PPP1R14B: variants seen among roughly 807,000 people sequenced by gnomAD.
PPP1R14B encodes protein phosphatase 1 regulatory inhibitor subunit 14B.
Under a neutral mutation model 14.7 loss-of-function variants are expected in PPP1R14B, and 4 were observed. The observed-to-expected ratio is 0.27, with a 90% confidence interval of 0.13 to 0.62. The LOEUF (loss-of-function observed/expected upper bound fraction) is 0.62, where lower values mean the gene tolerates loss of function less well. Ranked by LOEUF, PPP1R14B falls within the 20% of genes least tolerant of loss-of-function variation. The pLI is 0.85. For synonymous variants in PPP1R14B, 76 were observed against 87.3 expected (o/e 0.87, Z 0.72); for missense variants, 138 against 201.5 (o/e 0.68, Z 1.91).
Position 64,246,856 on chromosome 11 carries a change from G to A in PPP1R14B, c.-183C>T. 2 of 298,526 alleles carry A rather than the reference G, an allele frequency of 6.7e-6. No individual in the cohort carries two copies. The highest frequency in any genetic ancestry group is 9.7e-6 in the Non-Finnish European group (2 of 205,438). 18.5% of individuals were successfully genotyped at this position (298,526 alleles called of 1,614,324 possible). ...GAGCCCCCGGGCTTGGCCTGGCCGC[G>A]CCCCGCCCCCTCCCCGCCGATCCGC... On this transcript the variant is annotated 5_prime_UTR_variant, in exon 1 of 4. Coordinates refer to ENST00000309318, the MANE Select transcript of PPP1R14B (RefSeq NM_138689.3).
intron 3 of PPP1R14B, 32 bp from the exon 4 acceptor site, chr11:64,244,854 G>T (rs2030805042): frequency 6.2e-7 from 1 of 1,613,734 alleles, no homozygotes; most frequent in East Asian, 2.2e-5. Flanking sequence ...ACATTAAGGA[G>T]ACCAGACCCC....
chr11:64,244,793 G>T lies in PPP1R14B; in HGVS notation c.405C>A (p.Ile135=), dbSNP rs1328214489. 1 of 1,614,100 alleles carries T rather than the reference G, an allele frequency of 6.2e-7. No individual in the cohort carries two copies. The highest frequency in any genetic ancestry group is 8.5e-7 in the Non-Finnish European group (1 of 1,180,012). ...EAFISGLLDK[I]RGMQKLSTPQ... The stretch of plus-strand genomic sequence containing the variant: ...GTGTGCTCAGCTTCTGCATGCCCCG[G>T]ATCTTGTCCAGCAGGCCAGAAATGA... The change falls in exon 4 of 4, where the codon ATC becomes ATA. Residue 135 remains isoleucine (I), a synonymous_variant. Coordinates refer to ENST00000309318, the MANE Select transcript of PPP1R14B (RefSeq NM_138689.3).
At chr11:64,244,907 C>G (rs1305499911) in intron 3 of PPP1R14B, 23 bp downstream of exon 3, 1 of 1,611,778 alleles carries the variant, frequency 6.2e-7, no homozygotes, top group African/African-American at 1.3e-5. Flanking sequence ...CCACCCCCGC[C>G]AGCCCCCCAG....
At chr11:64,245,154 C>T (rs750747224) in intron 2 of PPP1R14B, 50 bp downstream of exon 2, 1 of 1,590,264 alleles carries the variant, frequency 6.3e-7, no homozygotes, top group Non-Finnish European at 8.6e-7. Context: ...CACAGCCTCA[C>T]TTTCCCGGGG....
rs2030792295 is a variant in PPP1R14B at position 64,244,590 on chromosome 11, G to A, written c.*164C>T. 1.4e-5 allele frequency: 19 copies of A among 1,407,022 alleles called. No individual in the cohort carries two copies. The highest frequency in any genetic ancestry group is 1.6e-5 in the Non-Finnish European group (17 of 1,052,112). 87.2% of individuals were successfully genotyped at this position (1,407,022 alleles called of 1,614,324 possible). On this transcript the variant is annotated 3_prime_UTR_variant, in exon 4 of 4. Coordinates refer to ENST00000309318, the MANE Select transcript of PPP1R14B (RefSeq NM_138689.3). ...AATAACAATAAAAAACCCCAAAAGT[G>A]GAAAACTGAGGGGGCAGGGGAAGAG...
chr11:64,244,807 G>A lies in PPP1R14B; in HGVS notation c.391C>T (p.Leu131=), dbSNP rs765479203. 1.9e-6 allele frequency: 3 copies of A among 1,614,138 alleles called. No individual in the cohort carries two copies. In the East Asian group the frequency reaches 6.7e-5, roughly 36 times the overall value. Residue 131 remains leucine, a synonymous_variant, in exon 4 of 4, where the codon CTG becomes TTG. Transcript: ENST00000309318. The part of the protein sequence containing the change: ...YKPTEAFISG[L]LDKIRGMQKL... ...TGCATGCCCCGGATCTTGTCCAGCA[G>A]GCCAGAAATGAAGGCCTGGATGGGG...
chr11:64,245,115 G>T, intron 2 of PPP1R14B, 89 bp downstream of exon 2: 1 of 1,501,988 alleles, frequency 6.7e-7, no homozygotes, highest in Non-Finnish European at 9.1e-7. Context: ...TTCTGTTGAG[G>T]CAGGAGCTGG....
At chr11:64,245,450 T>C in intron 1 of PPP1R14B, 163 bp from the exon 2 acceptor site, 1 of 414,368 alleles carries the variant, frequency 2.4e-6, no homozygotes, top group South Asian at 3.1e-5. Flanking sequence ...ATCAGGCCCG[T>C]GCCAAGGCAA....
intron 3 of PPP1R14B, 36 bp from the exon 4 acceptor site, chr11:64,244,858 A>G: frequency 1.2e-6 from 2 of 1,613,566 alleles, no homozygotes; most frequent in Non-Finnish European, 1.7e-6. Context: ...TAAGGAGACC[A>G]GACCCCAAGA....
At chr11:64,246,154 C>T (rs568646861) in intron 1 of PPP1R14B, 132 of 501,206 alleles carry the variant, frequency 2.6e-4, no homozygotes, top group Admixed American at 7.1e-4. Context: ...GCTCAGGCTA[C>T]CCCTTGAGGC....
chr11:64,246,230 G>A, intron 1 of PPP1R14B, 186 bp downstream of exon 1: 2 of 763,998 alleles, frequency 2.6e-6, no homozygotes, highest in Non-Finnish European at 2.0e-6. Flanking sequence ...AGGCAACGGA[G>A]AAGGCAGAAG....
chr11:64,246,521 C>A lies in PPP1R14B; in HGVS notation c.153G>T (p.Arg51Ser). Reference sequence around the variant, plus strand: ...ACTTGACGGTGACCTTCCCTTGGCGCCTCACTGGGCCCTCATCGTCCGCCC... The same window carrying A: ...ACTTGACGGTGACCTTCCCTTGGCGACTCACTGGGCCCTCATCGTCCGCCC... ...PGGADDEGPV[R>S]RQGKVTVKYD... The change falls in exon 1 of 4, where the codon AGG becomes AGT. Residue 51 changes from arginine to serine, a missense_variant. Physicochemically the swap from Arg to Ser is moderately radical, Grantham distance 110 (BLOSUM62 -1). Transcript: ENST00000309318. 6.2e-7 allele frequency: 1 copy of A among 1,609,962 alleles called. No individual in the cohort carries two copies.
intron 2 of PPP1R14B, 118 bp downstream of exon 2, chr11:64,245,086 C>G (rs2030821647): frequency 2.7e-6 from 4 of 1,459,146 alleles, no homozygotes; most frequent in Non-Finnish European, 2.8e-6. Flanking sequence ...AACAACCTCA[C>G]AGCTAGGCAT....
At chr11:64,246,079 G>A (rs1488934185) in intron 1 of PPP1R14B, 2 of 305,992 alleles carry the variant, frequency 6.5e-6, no homozygotes, top group African/African-American at 4.3e-5. Context: ...TAACCCAGCG[G>A]GCACCAGGCG....
Position 64,244,947 on chromosome 11 carries a change from A to G in PPP1R14B, c.358T>C (p.Cys120Arg). Residue 120 changes from cysteine (C) to arginine (R), a missense_variant, in exon 3 of 4, where the codon TGT becomes CGT. Around this residue, in one of 3 missense-constraint regions of PPP1R14B, gnomAD observed 84 missense variants for 137.5 expected, o/e 0.61. Transcript: ENST00000309318. ...TCTCTTACCTCTGTGGGTTTGTAAC[A>G]GTCAACCAGCAGCTCCTAGCAGAGG... is the stretch of plus-strand genomic sequence containing the variant. ...AARVKELLVD[C>R]YKPTEAFISG... The G allele has an allele frequency of 6.2e-7, 1 of 1,612,034 alleles. No individual in the cohort carries two copies.
intron 1 of PPP1R14B, chr11:64,245,509 G>C (rs2030843399): frequency 3.9e-6 from 2 of 517,334 alleles, no homozygotes; most frequent in Non-Finnish European, 6.8e-6. Flanking sequence ...CTGCCAGTGG[G>C]CACGGGGGGT....
Position 64,244,749 on chromosome 11 carries a change from G to T in PPP1R14B, c.*5C>A, listed in dbSNP as rs1197619852. On this transcript the variant is annotated 3_prime_UTR_variant, in exon 4 of 4. Transcript: ENST00000309318. ...GGAGCCACCGTTCTCCTGGGTCGGG[G>T]ACCGTCACTTCTTCTGGGGTGTGCT... is the stretch of plus-strand genomic sequence containing the variant. 12 of 1,612,752 alleles carry T rather than the reference G, an allele frequency of 7.4e-6. No homozygotes were observed. The East Asian group carries it at 2.7e-4, about 36-fold the overall frequency.
intron 1 of PPP1R14B, 152 bp downstream of exon 1, chr11:64,246,264 G>C (rs998428084): frequency 9.6e-7 from 1 of 1,038,100 alleles, no homozygotes; most frequent in Non-Finnish European, 1.4e-6. Context: ...GCAAGAAAGA[G>C]TATATATTGG....
rs949086345 is a variant in PPP1R14B, at chr11:64,244,625, C to G, written c.*129G>C. ...GGGGGCAGGGGAAGAGACCCCTGGG[C>G]CAGGGGCACGAGGAGCCCTGCTCAT... On this transcript the variant is annotated 3_prime_UTR_variant, in exon 4 of 4. Transcript: ENST00000309318. 4.9e-5 allele frequency: 72 copies of G among 1,475,082 alleles called. No individual in the cohort carries two copies. Among genetic ancestry groups the G allele is most frequent in the Non-Finnish European group, 6.3e-5 (69 of 1,090,524 alleles). 91.4% of individuals were successfully genotyped at this position (1,475,082 alleles called of 1,614,324 possible).
Sources: allele counts gnomAD v4.1 joint callset, GRCh38; gene constraint gnomAD v4.1.1; regional missense constraint gnomAD v4.1.1; transcripts MANE v1.5; gene names NCBI Gene and HGNC (gene_info 2026-07-23, HGNC 2026-07-21).